TDRD12: variants seen among roughly 807,000 people sequenced by gnomAD.
TDRD12 encodes the protein putative ATP-dependent RNA helicase TDRD12.
Under a neutral mutation model 133.5 loss-of-function variants are expected in TDRD12, and 158 were observed. The ratio of observed to expected loss-of-function variants is 1.18; its 90% CI spans 1.04 to 1.35. TDRD12 has a LOEUF of 1.35. Among genes scored for constraint, TDRD12 ranks in the 40% most tolerant of loss-of-function variants. The pLI, the probability that TDRD12 is intolerant of heterozygous loss-of-function variation, is 0.00. For synonymous variants in TDRD12, 460 were observed against 477.9 expected, an observed-to-expected ratio of 0.96 and a Z score of 0.49; for missense variants, 1,443 against 1,321.3, an observed-to-expected ratio of 1.09 and a Z score of -1.43.
chr19:32,766,670 G>A (rs987062476), intron 8 of TDRD12, among the ~76,000 whole-genome samples: 70 of 151,364 alleles, frequency 4.6e-4, no homozygotes, highest in African/African-American at 1.6e-3. Context: ...GCTGGAGCGC[G>A]GTGGTGCAAT....
At chr19:32,732,701 T>C (rs1969096034) in intron 2 of TDRD12, among the ~76,000 whole-genome samples, 1 of 152,206 alleles carries the variant, frequency 6.6e-6, no homozygotes, top group South Asian at 2.1e-4. Flanking sequence ...TAGGAAAAGG[T>C]TTATAAACTC....
chr19:32,799,641 T>A lies in TDRD12; in HGVS notation c.1759-526T>A, dbSNP rs377311388. 3.3e-5 allele frequency among the ~76,000 whole-genome samples: 5 copies of A among 152,156 alleles called. No homozygotes were observed. In the East Asian group the frequency reaches 7.7e-4, roughly 23 times the overall value. On this transcript the variant is annotated intron_variant, in intron 16 of 27. Coordinates refer to ENST00000444215, the Ensembl canonical transcript of TDRD12. ...TTTGTTATACATATTTACCAAGATA[T>A]TGCTTATGCTTTAGTTTTGTTTATA... is the stretch of plus-strand genomic sequence containing the variant.
At chr19:32,796,823 C>A (rs1445354447) in intron 14 of TDRD12, among the ~76,000 whole-genome samples, 1 of 152,108 alleles carries the variant, frequency 6.6e-6, no homozygotes. Flanking sequence ...TGTCTGGAAG[C>A]TGGGCCCACC....
At chr19:32,765,219 C>T (rs1970260949) in intron 8 of TDRD12, among the ~76,000 whole-genome samples, 1 of 152,118 alleles carries the variant, frequency 6.6e-6, no homozygotes, top group South Asian at 2.1e-4. Flanking sequence ...GAATGGCAGT[C>T]ATTAAAAAGT....
rs1011725188 is a variant in TDRD12 at position 32,790,408 on chromosome 19, T to C, written c.1122-123T>C. On this transcript the variant is annotated intron_variant, in intron 11 of 27. Transcript: ENST00000444215. ...CCAAGCAGAACAGAACAGGCAGCAG[T>C]TGTACAGCTGAGCCTTGGGCTGTGC... 1.4e-5 allele frequency: 13 copies of C among 942,042 alleles called. No individual in the cohort carries two copies. The Admixed American group carries it at 2.0e-4, about 15-fold the overall frequency. The allele number at this position is 942,042 out of a possible 1,614,324, so 58.4% of individuals were successfully genotyped here.
chr19:32,803,707 G>T (rs900222648), intron 21 of TDRD12, among the ~76,000 whole-genome samples: 1 of 152,212 alleles, frequency 6.6e-6, no homozygotes, highest in Non-Finnish European at 1.5e-5. Flanking sequence ...GGTCAGTACT[G>T]TCTGACAGAG....
downstream of TDRD12, among the ~76,000 whole-genome samples, chr19:32,822,165 C>G (rs762506661): frequency 1.3e-5 from 2 of 152,176 alleles, no homozygotes; most frequent in Non-Finnish European, 2.9e-5. Context: ...CACGGTGGCT[C>G]ATGCCTATGA....
chr19:32,748,613 A>C lies in TDRD12; in HGVS notation c.496+82A>C, dbSNP rs1886524937. 4.2e-6 allele frequency: 6 copies of C among 1,425,390 alleles called. No homozygotes were observed. The Admixed American group carries it at 6.9e-5, about 16-fold the overall frequency. The allele number at this position is 1,425,390 out of a possible 1,614,324, so 88.3% of individuals were successfully genotyped here. A position where few individuals can be genotyped will look rare whatever the true frequency, so the allele number is the denominator to read the frequency against. ...AGCTTCTGCTGCTGGCGGGGGTTGGAGATGCCCCTGTTGGCCAAACGGCCC... is the reference window on the plus strand; with the variant it reads ...AGCTTCTGCTGCTGGCGGGGGTTGGCGATGCCCCTGTTGGCCAAACGGCCC... On this transcript the variant is annotated intron_variant, in intron 5 of 27. Coordinates refer to ENST00000444215, the Ensembl canonical transcript of TDRD12.
Position 32,800,707 on chromosome 19 carries a change from C to T in TDRD12, c.2014C>T (p.Pro672Ser). The T allele has an allele frequency of 2.6e-6, 4 of 1,535,606 alleles. No homozygotes were observed. The South Asian group carries it at 3.6e-5, about 14-fold the overall frequency. ...TTTACTCCAAGCTCTTGATTTTATT[C>T]CAAGTCAGGCACAAAAGACCTTGAT... Residue 672 changes from proline to serine, a missense_variant, in exon 18 of 28, where the codon CCA becomes TCA. Pro to Ser is a moderately conservative substitution (Grantham distance 74, BLOSUM62 -1). Transcript: ENST00000444215.
Position 32,773,273 on chromosome 19 carries a change from G to A in TDRD12, c.964-183G>A, listed in dbSNP as rs143447597. ...CTGCCATTTGGACATTTAATGTAGT[G>A]GTTATAGCGCTGGCATAATCACCCA... On this transcript the variant is annotated intron_variant, in intron 9 of 27. Coordinates refer to ENST00000444215, the Ensembl canonical transcript of TDRD12. Among the ~76,000 whole-genome samples the A allele has an allele frequency of 9.4e-3, 1,436 of 152,238 alleles. 27 individuals are homozygous for A. The highest frequency in any genetic ancestry group is 0.032 in the African/African-American group (1,349 of 41,552).
intron 16 of TDRD12, among the ~76,000 whole-genome samples, chr19:32,798,697 A>G (rs1009757012): frequency 2.0e-5 from 3 of 152,224 alleles, no homozygotes; most frequent in African/African-American, 7.2e-5. Flanking sequence ...AGAAGTAATG[A>G]TTTTTATTTT....
downstream of TDRD12, among the ~76,000 whole-genome samples, chr19:32,823,184 G>A (rs1459593707): frequency 4.6e-5 from 7 of 152,226 alleles, no homozygotes; most frequent in East Asian, 1.4e-3. Context: ...GGTGCTGAGA[G>A]CCCCAGAGGG....
chr19:32,790,201 TCTC>T (rs1971028625), intron 11 of TDRD12, among the ~76,000 whole-genome samples: 1 of 152,090 alleles, frequency 6.6e-6, no homozygotes, highest in South Asian at 2.1e-4. Context: ...TCAAATTTCT[TCTC>T]CTCTCAGCAG....
chr19:32,816,780 G>T lies in TDRD12; in HGVS notation c.3314+1160G>T, dbSNP rs1967195913. Among the ~76,000 whole-genome samples the T allele has an allele frequency of 1.3e-5, 2 of 152,172 alleles. 1 individual carries two copies. The highest frequency in any genetic ancestry group is 4.1e-4 in the South Asian group (2 of 4,830). Reference sequence around the variant, plus strand: ...AGGAGGGATCCTGGCAGCTCCAGAGGGGGAAGGATCTGTATCAAGAACTCC... The same window carrying T: ...AGGAGGGATCCTGGCAGCTCCAGAGTGGGAAGGATCTGTATCAAGAACTCC... On this transcript the variant is annotated intron_variant, in intron 26 of 27. Coordinates refer to ENST00000444215, the Ensembl canonical transcript of TDRD12.
chr19:32,775,955 G>C (rs1182230356), intron 10 of TDRD12, among the ~76,000 whole-genome samples: 1 of 152,086 alleles, frequency 6.6e-6, no homozygotes, highest in Non-Finnish European at 1.5e-5. Context: ...CTTAGCAGGA[G>C]GTCGGTACCT....
chr19:32,803,880 A>C (rs1971469684), intron 21 of TDRD12, among the ~76,000 whole-genome samples: 1 of 151,826 alleles, frequency 6.6e-6, no homozygotes, highest in East Asian at 1.9e-4. Context: ...GTGCCCGTTG[A>C]GGTCTTTTGA....
intron 11 of TDRD12, among the ~76,000 whole-genome samples, chr19:32,790,198 T>TC: frequency 6.6e-6 from 1 of 152,170 alleles, no homozygotes; most frequent in Non-Finnish European, 1.5e-5. Flanking sequence ...GTTTCAAATT[T>TC]CTTCTCCTCT....
chr19:32,756,268 C>A, intron 7 of TDRD12, 87 bp downstream of exon 7: 1 of 1,139,856 alleles, frequency 8.8e-7, no homozygotes, highest in South Asian at 2.8e-5. Flanking sequence ...AGACTTTTCC[C>A]CACATGGAGA....
chr19:32,752,723 C>G lies in TDRD12; in HGVS notation c.582+2854C>G, dbSNP rs551371676. Among the ~76,000 whole-genome samples, 16 of 151,782 alleles carry G rather than the reference C, an allele frequency of 1.1e-4. 1 individual carries two copies. In the South Asian group the frequency reaches 3.1e-3, roughly 30 times the overall value. On this transcript the variant is annotated intron_variant, in intron 6 of 27. Transcript: ENST00000444215. ...CATCATTACTTGAACACTCTTTACT[C>G]TCTGATGCCACAATGTTTATCATTT...
Sources: gnomAD v4.1 joint callset for allele counts (sites outside exome capture counted in the v4.1 genomes callset) on GRCh38, gnomAD v4.1.1 for gene constraint, MANE v1.5 for transcripts, NCBI Gene and HGNC (gene_info 2026-07-23, HGNC 2026-07-21) for gene names.